NELL1: variants seen among roughly 807,000 people sequenced by gnomAD.
The protein encoded by NELL1 is protein kinase C-binding protein NELL1.
NELL1 carries 76 observed loss-of-function variants against 107.4 expected under a neutral mutation model. The ratio of observed to expected loss-of-function variants is 0.71; its 90% CI spans 0.59 to 0.86. The LOEUF (loss-of-function observed/expected upper bound fraction) is 0.86. NELL1 is among the 40% of genes least tolerant of loss of function. NELL1 has a pLI of 0.00. For synonymous variants in NELL1, 353 were observed against 341.2 expected (o/e 1.03, Z -0.38); for missense variants, 1,024 against 1,005.5 (o/e 1.02, Z -0.25).
chr11:20,816,061 A>C (rs1337800012), intron 3 of NELL1, among the ~76,000 whole-genome samples: 1 of 152,100 alleles, frequency 6.6e-6, no homozygotes, highest in African/African-American at 2.4e-5. Flanking sequence ...CTATAGTCTT[A>C]TAGCATAGTT....
intron 14 of NELL1, among the ~76,000 whole-genome samples, chr11:21,333,991 CT>C (rs1242161882): frequency 2.0e-5 from 3 of 152,026 alleles, no homozygotes; most frequent in African/African-American, 7.2e-5. Flanking sequence ...CACACAATTA[CT>C]TAAGGGCCAT....
At chr11:20,729,416 C>T in intron 2 of NELL1, among the ~76,000 whole-genome samples, 1 of 151,876 alleles carries the variant, frequency 6.6e-6, no homozygotes, top group East Asian at 1.9e-4. Context: ...TAGTTTTTGC[C>T]CATTCAGTAT....
chr11:20,953,386 G>A lies in NELL1; in HGVS notation c.1171+5951G>A, dbSNP rs150002626. Among the ~76,000 whole-genome samples, 8 of 152,290 alleles carry A rather than the reference G, an allele frequency of 5.3e-5. No homozygotes were observed. In the East Asian group the frequency reaches 1.5e-3, roughly 29 times the overall value. On this transcript the variant is annotated intron_variant, in intron 11 of 19. Transcript: ENST00000357134. ...AGTTACGGGAGTGAATCATAACGAT[G>A]TATGTCTATCATTGGCTGCAAAAGC...
At chr11:21,522,834 C>CTTTT (rs66707466) in intron 15 of NELL1, among the ~76,000 whole-genome samples, 1,145 of 68,500 alleles carry the variant, frequency 0.017, 10 homozygotes, top group African/African-American at 0.019. Flanking sequence ...TTTTTCTTTT[C>CTTTT]TTTTTTTTTT....
chr11:21,498,678 G>A lies in NELL1; in HGVS notation c.1646-35696G>A, dbSNP rs903981867. Among the ~76,000 whole-genome samples the A allele has an allele frequency of 2.6e-5, 4 of 151,906 alleles. No individual in the cohort carries two copies. The East Asian group carries it at 7.7e-4, about 29-fold the overall frequency. ...TTCTTTAGGGTATATATCAAGAGGT[G>A]AAATTATTTCATCACAGGATAGGAC... is the stretch of plus-strand genomic sequence containing the variant. On this transcript the variant is annotated intron_variant, in intron 15 of 19. Coordinates refer to ENST00000357134, the MANE Select transcript of NELL1 (RefSeq NM_006157.5).
At chr11:21,095,511 G>T (rs576767499) in intron 12 of NELL1, among the ~76,000 whole-genome samples, 2 of 152,246 alleles carry the variant, frequency 1.3e-5, no homozygotes, top group African/African-American at 2.4e-5. Context: ...CCAGAGACTG[G>T]GCAATTTAAA....
chr11:21,323,692 G>A (rs1401681503), intron 14 of NELL1, among the ~76,000 whole-genome samples: 1 of 152,020 alleles, frequency 6.6e-6, no homozygotes, highest in East Asian at 1.9e-4. Flanking sequence ...CTAGCTTCCC[G>A]TCTTTGTCAT....
At chr11:20,896,389 A>G (rs1849738475) in intron 5 of NELL1, among the ~76,000 whole-genome samples, 1 of 152,196 alleles carries the variant, frequency 6.6e-6, no homozygotes, top group Non-Finnish European at 1.5e-5. Flanking sequence ...GTTGATGGAC[A>G]TTTAGGCTGG....
chr11:21,070,990 A>G (rs1398396998), intron 12 of NELL1, among the ~76,000 whole-genome samples: 1 of 152,296 alleles, frequency 6.6e-6, no homozygotes, highest in East Asian at 1.9e-4. Context: ...GACGCTAAGC[A>G]TTTTAAGTGC....
intron 5 of NELL1, among the ~76,000 whole-genome samples, chr11:20,903,556 A>G (rs1340168078): frequency 6.6e-6 from 1 of 152,072 alleles, no homozygotes; most frequent in Admixed American, 6.6e-5. Context: ...CATACAGGAA[A>G]TATGTGTTGA....
At chr11:20,691,115 A>G (rs1028171813) in intron 2 of NELL1, among the ~76,000 whole-genome samples, 2 of 151,988 alleles carry the variant, frequency 1.3e-5, no homozygotes, top group Middle Eastern at 3.4e-3. Context: ...AATGCTTGTG[A>G]TTTTTGTACA....
At chr11:21,551,609 A>T (rs2133990539) in intron 16 of NELL1, among the ~76,000 whole-genome samples, 1 of 151,794 alleles carries the variant, frequency 6.6e-6, no homozygotes, top group South Asian at 2.1e-4. Flanking sequence ...ACCAGTTAGA[A>T]TGGCAATCAT....
chr11:21,350,060 C>A (rs1460093801), intron 14 of NELL1, among the ~76,000 whole-genome samples: 2 of 152,034 alleles, frequency 1.3e-5, no homozygotes, highest in Non-Finnish European at 2.9e-5. Flanking sequence ...GCTTGGGAGG[C>A]TTCAAACTTT....
intron 15 of NELL1, among the ~76,000 whole-genome samples, chr11:21,437,924 C>G (rs1236395821): frequency 2.6e-5 from 4 of 152,154 alleles, no homozygotes; most frequent in African/African-American, 7.2e-5. Context: ...AAAGTTACTT[C>G]TGTCCTTTCA....
intron 13 of NELL1, among the ~76,000 whole-genome samples, chr11:21,188,490 T>C (rs918709070): frequency 3.2e-5 from 3 of 92,364 alleles, no homozygotes; most frequent in Admixed American, 1.1e-4. Context: ...TATGGCTTTT[T>C]TCTCTCACTT....
intron 3 of NELL1, among the ~76,000 whole-genome samples, chr11:20,804,692 G>T (rs770872675): frequency 1.3e-5 from 2 of 152,102 alleles, no homozygotes; most frequent in African/African-American, 2.4e-5. Flanking sequence ...GACTTGTTTT[G>T]TTGTCTGTTA....
At chr11:21,149,800 G>A (rs960102552) in intron 13 of NELL1, among the ~76,000 whole-genome samples, 8 of 152,118 alleles carry the variant, frequency 5.3e-5, no homozygotes, top group African/African-American at 1.4e-4. Flanking sequence ...AGTGAAAAGA[G>A]AAAGTAAACA....
At chr11:21,378,536 C>T (rs1246485606) in intron 15 of NELL1, among the ~76,000 whole-genome samples, 1 of 151,846 alleles carries the variant, frequency 6.6e-6, no homozygotes, top group African/African-American at 2.4e-5. Flanking sequence ...TGTTCACCCT[C>T]TCTCAATGGT....
chr11:20,783,793 T>C lies in NELL1; in HGVS notation c.298T>C (p.Ser100Pro). The C allele has an allele frequency of 1.2e-6, 2 of 1,613,954 alleles. No homozygotes were observed. The highest frequency in any genetic ancestry group is 1.7e-6 in the Non-Finnish European group (2 of 1,179,930). Residue 100 changes from serine to proline, a missense_variant, in exon 3 of 20, where the codon TCA (serine) becomes CCA (proline). Coordinates refer to ENST00000357134, the MANE Select transcript of NELL1 (RefSeq NM_006157.5). Reference protein sequence around the residue: ...LATVQQKPSTSGVILSIRELE... With the variant: ...LATVQQKPSTPGVILSIRELE... ...CACTGTACAGCAGAAGCCATCCACT[T>C]CAGGAGTGATACTGTCCATTCGAGA...
Sources: allele counts gnomAD v4.1 joint callset (sites outside exome capture counted in the v4.1 genomes callset), GRCh38; gene constraint gnomAD v4.1.1; transcripts MANE v1.5; gene names NCBI Gene and HGNC (gene_info 2026-07-23, HGNC 2026-07-21).